The following POU6F2 variants were observed in gnomAD, a reference collection of about 807,000 sequenced individuals.
The protein encoded by POU6F2 is POU domain, class 6, transcription factor 2.
Under a neutral mutation model 71.3 loss-of-function variants are expected in POU6F2, and 31 were observed. The observed-to-expected ratio is 0.43, with a 90% CI of 0.33 to 0.59. The LOEUF (loss-of-function observed/expected upper bound fraction) is 0.59. POU6F2 is among the 20% of genes least tolerant of loss of function. POU6F2 has a pLI of 0.04. For missense variants in POU6F2, 783 were observed against 856.8 expected (o/e 0.91, Z 1.07); for synonymous variants, 347 against 355.7 (o/e 0.98, Z 0.27).
At chr7:39,325,463 A>G (rs1433545909) in intron 4 of POU6F2, among the ~76,000 whole-genome samples, 2 of 152,222 alleles carry the variant, frequency 1.3e-5, no homozygotes, top group East Asian at 3.8e-4. Flanking sequence ...CCTAGATAAG[A>G]AAGATTCGTG....
intron 2 of POU6F2, among the ~76,000 whole-genome samples, chr7:39,173,904 T>A (rs930640075): frequency 2.6e-5 from 4 of 152,238 alleles, no homozygotes; most frequent in African/African-American, 9.6e-5. Flanking sequence ...CAAGGGTTAC[T>A]TAGTGGAAAT....
intron 1 of POU6F2, among the ~76,000 whole-genome samples, chr7:39,058,761 G>T (rs1020716984): frequency 3.9e-5 from 6 of 152,020 alleles, no homozygotes; most frequent in African/African-American, 1.5e-4. Context: ...GTTTTGTATT[G>T]GAAATGTTCA....
At chr7:39,338,700 C>T (rs1016429910) in intron 4 of POU6F2, among the ~76,000 whole-genome samples, 7 of 151,854 alleles carry the variant, frequency 4.6e-5, no homozygotes, top group Non-Finnish European at 7.4e-5. Flanking sequence ...GAGATTTAGG[C>T]AAAAAAGAAA....
intron 2 of POU6F2, among the ~76,000 whole-genome samples, chr7:39,185,068 G>A (rs987908075): frequency 1.3e-5 from 2 of 152,154 alleles, no homozygotes; most frequent in African/African-American, 4.8e-5. Flanking sequence ...TTATTTACAG[G>A]AGAATTGCAG....
chr7:39,028,351 G>A (rs897634055), intron 1 of POU6F2, among the ~76,000 whole-genome samples: 1 of 151,902 alleles, frequency 6.6e-6, no homozygotes, highest in African/African-American at 2.4e-5. Context: ...ACTATTTCAT[G>A]TTTGTTTCTC....
intron 1 of POU6F2, among the ~76,000 whole-genome samples, chr7:38,993,904 C>G (rs1289736455): frequency 1.3e-5 from 2 of 152,014 alleles, no homozygotes; most frequent in African/African-American, 4.8e-5. Context: ...TCAGTCATTC[C>G]TTAGTACCTT....
At chr7:39,433,516 C>G (rs1463024660) in intron 7 of POU6F2, among the ~76,000 whole-genome samples, 2 of 151,982 alleles carry the variant, frequency 1.3e-5, no homozygotes, top group African/African-American at 4.8e-5. Flanking sequence ...AAATTACAAA[C>G]AGAGAGAGTG....
At chr7:39,067,886 T>C (rs373867902) in intron 1 of POU6F2, among the ~76,000 whole-genome samples, 113 of 152,278 alleles carry the variant, frequency 7.4e-4, no homozygotes, top group Middle Eastern at 3.4e-3. Flanking sequence ...TTCCATCTAA[T>C]AGGTTAGAAA....
Position 39,128,003 on chromosome 7 carries a change from C to T in POU6F2, c.277+41972C>T, listed in dbSNP as rs145621102. ...GACCACAGGTGCCCACCACCACGCC[C>T]GGCTAATTTTTTGTGTTTTAGTAGA... On this transcript the variant is annotated intron_variant, in intron 2 of 9. Coordinates refer to ENST00000518318, the MANE Select transcript of POU6F2 (RefSeq NM_001370959.1). Among the ~76,000 whole-genome samples, 461 of 151,928 alleles carry T rather than the reference C, an allele frequency of 3.0e-3. 14 individuals are homozygous for T. In the East Asian group the frequency reaches 0.072, roughly 24 times the overall value.
In POU6F2 at chr7:39,073,388, A is replaced by C. The variant is rs531099942; in HGVS notation, c.106-12472A>C. Among the ~76,000 whole-genome samples the C allele has an allele frequency of 7.9e-5, 12 of 151,544 alleles. No individual in the cohort carries two copies. The South Asian group carries it at 1.7e-3, about 21-fold the overall frequency. On this transcript the variant is annotated intron_variant, in intron 1 of 9. Transcript: ENST00000518318. ...GGGGAGAACCTATTAAAAAAAAAAA[A>C]AAAAAAACCTTCTAGTTCATGTTTT...
At chr7:39,185,833 GTATATGTATATGTATATGTATGTGTA>G (rs1250666009) in intron 2 of POU6F2, among the ~76,000 whole-genome samples, 96 of 123,706 alleles carry the variant, frequency 7.8e-4, no homozygotes, top group African/African-American at 2.9e-3. Flanking sequence ...ATATGTATAT[GTATATGTATATGTATATGTATGTGTA>G]TATATGTATA....
intron 4 of POU6F2, among the ~76,000 whole-genome samples, chr7:39,249,831 A>G (rs1397106360): frequency 2.0e-5 from 3 of 152,190 alleles, no homozygotes; most frequent in African/African-American, 7.2e-5. Flanking sequence ...GAGAGTACTC[A>G]GTCATTTCTG....
At chr7:39,023,421 G>A (rs144734241) in intron 1 of POU6F2, among the ~76,000 whole-genome samples, 1 of 152,120 alleles carries the variant, frequency 6.6e-6, no homozygotes, top group Admixed American at 6.6e-5. Flanking sequence ...CAGTGAACAT[G>A]TGGCAATGTC....
intron 1 of POU6F2, among the ~76,000 whole-genome samples, chr7:39,050,483 G>A (rs542603819): frequency 1.3e-5 from 2 of 152,108 alleles, no homozygotes; most frequent in African/African-American, 4.8e-5. Context: ...TCTCCCCTGT[G>A]TGTACACATC....
intron 7 of POU6F2, among the ~76,000 whole-genome samples, chr7:39,433,576 T>G (rs1788162785): frequency 6.6e-6 from 1 of 152,204 alleles, no homozygotes; most frequent in East Asian, 1.9e-4. Context: ...CTCAAGATAC[T>G]TAATTTTCAG....
chr7:39,332,032 A>G (rs1036567210), intron 4 of POU6F2, among the ~76,000 whole-genome samples: 4 of 152,200 alleles, frequency 2.6e-5, no homozygotes, highest in Admixed American at 2.6e-4. Flanking sequence ...GGAAGTGGCT[A>G]GCATCTTTTC....
chr7:39,192,828 T>C lies in POU6F2; in HGVS notation c.278-11407T>C, dbSNP rs779116039. ...GGAGCTGTGGGTGCATTCCTGCTTT[T>C]AGTACTGCTCAAATAAAAAAGAAAG... On this transcript the variant is annotated intron_variant, in intron 2 of 9. Coordinates refer to ENST00000518318, the MANE Select transcript of POU6F2 (RefSeq NM_001370959.1). Among the ~76,000 whole-genome samples, 5 of 152,060 alleles carry C rather than the reference T, an allele frequency of 3.3e-5. 1 individual carries two copies. Among genetic ancestry groups the C allele is most frequent in the Admixed American group, 2.6e-4 (4 of 15,258 alleles).
At chr7:39,075,162 C>A (rs2128718890) in intron 1 of POU6F2, among the ~76,000 whole-genome samples, 1 of 152,288 alleles carries the variant, frequency 6.6e-6, no homozygotes, top group Admixed American at 6.5e-5. Flanking sequence ...AGCACCTGGA[C>A]ACTTAATTGC....
intron 6 of POU6F2, among the ~76,000 whole-genome samples, chr7:39,422,928 T>C (rs899249127): frequency 1.3e-5 from 2 of 152,196 alleles, no homozygotes; most frequent in Admixed American, 1.3e-4. Context: ...TGCCTGACAG[T>C]GCCATCAACA....
Sources: allele counts gnomAD v4.1 joint callset (sites outside exome capture counted in the v4.1 genomes callset), GRCh38; gene constraint gnomAD v4.1.1; transcripts MANE v1.5; gene names NCBI Gene and HGNC (gene_info 2026-07-23, HGNC 2026-07-21).